Variants in LRRC4C observed in about 807,000 individuals in gnomAD.
The protein encoded by LRRC4C is leucine-rich repeat-containing protein 4C.
LRRC4C carries 5 observed loss-of-function variants against 33.6 expected under a neutral mutation model. That is an observed-to-expected ratio of 0.15 (90% CI 0.08 to 0.31). The LOEUF (loss-of-function observed/expected upper bound fraction) is 0.31, where lower values mean the gene tolerates loss of function less well. Among genes scored for constraint, LRRC4C ranks in the 10% least tolerant of loss-of-function variants. LRRC4C has a pLI of 1.00. For missense variants in LRRC4C, 560 were observed against 796.7 expected (o/e 0.70, Z 3.58); for synonymous variants, 329 against 302.0 (o/e 1.09, Z -0.93).
intron 3 of LRRC4C, among the ~76,000 whole-genome samples, chr11:40,438,433 T>G (rs566295544): frequency 6.6e-6 from 1 of 152,338 alleles, no homozygotes; most frequent in Non-Finnish European, 1.5e-5. Flanking sequence ...TACTCTAAAT[T>G]TACTCGTATG....
intron 3 of LRRC4C, among the ~76,000 whole-genome samples, chr11:40,360,693 C>T (rs1226237705): frequency 6.6e-6 from 1 of 152,096 alleles, no homozygotes; most frequent in Non-Finnish European, 1.5e-5. Context: ...CTGTTTCCTC[C>T]TACTGAAACT....
intron 3 of LRRC4C, among the ~76,000 whole-genome samples, chr11:40,535,146 T>C (rs1361550913): frequency 2.0e-5 from 3 of 152,190 alleles, no homozygotes; most frequent in African/African-American, 4.8e-5. Flanking sequence ...GGAGTTATAG[T>C]CATCTTCCTT....
intron 2 of LRRC4C, among the ~76,000 whole-genome samples, chr11:40,910,386 C>A (rs1433923120): frequency 6.6e-6 from 1 of 152,114 alleles, no homozygotes; most frequent in Non-Finnish European, 1.5e-5. Context: ...CGGAGATGTT[C>A]TTTAAGAAAT....
At chr11:41,089,605 T>A (rs1226835821) in intron 1 of LRRC4C, among the ~76,000 whole-genome samples, 2 of 151,974 alleles carry the variant, frequency 1.3e-5, no homozygotes, top group Non-Finnish European at 2.9e-5. Context: ...AAAAAAAAAA[T>A]TGGTGCATTT....
chr11:41,330,464 T>A (rs1226278004), intron 1 of LRRC4C, among the ~76,000 whole-genome samples: 4 of 152,234 alleles, frequency 2.6e-5, no homozygotes, highest in African/African-American at 9.6e-5. Context: ...ATTTACCCAA[T>A]GTTGAATCTA....
At position 40,466,799 on chromosome 11, in the gene LRRC4C, CTAAG is replaced by C. The variant is rs1304140448; in HGVS notation, c.-269-147082_-269-147079del. 3.9e-5 allele frequency among the ~76,000 whole-genome samples: 6 copies of C among 152,030 alleles called. 1 individual carries two copies. Among genetic ancestry groups the C allele is most frequent in the African/African-American group, 1.4e-4 (6 of 41,510 alleles). Reference sequence around the variant, plus strand: ...TTACTGTTACATTCATCAAGAAAATCTAAGTAATTTTTATTATGTATCATACTTC... The same window carrying C: ...TTACTGTTACATTCATCAAGAAAATCTAATTTTTATTATGTATCATACTTC... On this transcript the variant is annotated intron_variant, in intron 3 of 6. Transcript: ENST00000528697.
At chr11:40,330,689 A>G (rs1361730336) in intron 3 of LRRC4C, among the ~76,000 whole-genome samples, 1 of 152,130 alleles carries the variant, frequency 6.6e-6, no homozygotes, top group Non-Finnish European at 1.5e-5. Flanking sequence ...TAAAACCATC[A>G]GATCTCGTGA....
chr11:41,093,720 G>A (rs1348224078), intron 1 of LRRC4C, among the ~76,000 whole-genome samples: 1 of 151,710 alleles, frequency 6.6e-6, no homozygotes, highest in African/African-American at 2.4e-5. Flanking sequence ...CCATTTACCT[G>A]CATATAATGA....
intron 2 of LRRC4C, among the ~76,000 whole-genome samples, chr11:40,665,322 AAAAATATATATAT>A (rs1463095563): frequency 8.3e-5 from 1 of 12,034 alleles, no homozygotes; most frequent in African/African-American, 2.6e-4. Flanking sequence ...AAAAAAAAAA[AAAAATATATATAT>A]ATATATATAT....
intron 2 of LRRC4C, among the ~76,000 whole-genome samples, chr11:40,750,812 A>C (rs1195879285): frequency 6.6e-6 from 1 of 152,000 alleles, no homozygotes; most frequent in East Asian, 1.9e-4. Flanking sequence ...TAAAAAGAAA[A>C]AAAAAAAAAG....
At chr11:40,596,770 G>T (rs1221781324) in intron 3 of LRRC4C, among the ~76,000 whole-genome samples, 1 of 152,044 alleles carries the variant, frequency 6.6e-6, no homozygotes, top group Non-Finnish European at 1.5e-5. Context: ...TTTTATCCAT[G>T]TGGTTGCAAA....
Position 41,037,440 on chromosome 11 carries a change from A to G in LRRC4C, c.-495-103717T>C, listed in dbSNP as rs539005670. On this transcript the variant is annotated intron_variant, in intron 1 of 6. Transcript: ENST00000528697. ...CTGTAGCCTCAACCTCTTGGGCTCA[A>G]GTGATCCTCCTGCCTTGGCCTCCCA... 2.0e-5 allele frequency among the ~76,000 whole-genome samples: 3 copies of G among 152,182 alleles called. No homozygotes were observed. The South Asian group carries it at 6.2e-4, about 32-fold the overall frequency.
chr11:40,973,710 G>C (rs986140618), intron 1 of LRRC4C, among the ~76,000 whole-genome samples: 5 of 152,194 alleles, frequency 3.3e-5, no homozygotes, highest in African/African-American at 1.2e-4. Context: ...ATTAATGTTA[G>C]AGAGTTAATC....
At chr11:40,233,498 A>C (rs1271202628) in intron 5 of LRRC4C, among the ~76,000 whole-genome samples, 3 of 152,232 alleles carry the variant, frequency 2.0e-5, no homozygotes, top group Admixed American at 6.5e-5. Flanking sequence ...TAGAAAAGGC[A>C]AGATAGAGAT....
chr11:40,247,689 T>C (rs1190688661), intron 4 of LRRC4C, among the ~76,000 whole-genome samples: 1 of 152,196 alleles, frequency 6.6e-6, no homozygotes, highest in East Asian at 1.9e-4. Flanking sequence ...TGGTTTGTTT[T>C]TCTGTCTCTG....
intron 3 of LRRC4C, among the ~76,000 whole-genome samples, chr11:40,399,183 G>C (rs912416360): frequency 1.3e-5 from 2 of 152,040 alleles, no homozygotes; most frequent in South Asian, 4.1e-4. Context: ...CCATTACTGG[G>C]TATATACCCA....
At chr11:41,359,631 G>A (rs983081496) in intron 1 of LRRC4C, among the ~76,000 whole-genome samples, 2 of 152,062 alleles carry the variant, frequency 1.3e-5, no homozygotes, top group African/African-American at 4.8e-5. Context: ...ATGCAAATGA[G>A]GAAACAGGAA....
intron 2 of LRRC4C, among the ~76,000 whole-genome samples, chr11:40,931,580 C>T (rs956876677): frequency 2.6e-5 from 4 of 151,764 alleles, no homozygotes; most frequent in Non-Finnish European, 5.9e-5. Flanking sequence ...ATCATAGAGC[C>T]CCAATTGATA....
Position 41,282,407 on chromosome 11 carries a change from C to T in LRRC4C, c.-496+177024G>A, listed in dbSNP as rs899361802. Among the ~76,000 whole-genome samples the T allele has an allele frequency of 7.9e-5, 12 of 152,284 alleles. 1 individual carries two copies. The East Asian group carries it at 1.5e-3, about 20-fold the overall frequency. On this transcript the variant is annotated intron_variant, in intron 1 of 6. Transcript: ENST00000528697. ...AAACCTCTGCTGAGCTTAAAATACC[C>T]TCTTCAAATATTAGGAATGTAGTTT...
Sources: gnomAD v4.1 joint callset for allele counts (sites outside exome capture counted in the v4.1 genomes callset) on GRCh38, gnomAD v4.1.1 for gene constraint, MANE v1.5 for transcripts, NCBI Gene and HGNC (gene_info 2026-07-23, HGNC 2026-07-21) for gene names.